Variants in FHL1 observed in about 807,000 individuals in gnomAD.
FHL1 encodes the protein four and a half LIM domains protein 1.
Under a neutral mutation model 20.3 loss-of-function variants are expected in FHL1, and 1 was observed. The observed-to-expected ratio is 0.05, with a 90% CI of 0.02 to 0.23. The LOEUF (loss-of-function observed/expected upper bound fraction) is 0.23, where lower values mean the gene tolerates loss of function less well. Among genes scored for constraint, FHL1 ranks in the 10% least tolerant of loss-of-function variants. The pLI is 1.00. For missense variants in FHL1, 177 were observed against 234.0 expected, an observed-to-expected ratio of 0.76 and a Z score of 1.59; for synonymous variants, 82 against 88.9, an observed-to-expected ratio of 0.92 and a Z score of 0.44.
intron 4 of FHL1, 128 bp from the exon 5 acceptor site, chrX:136,208,327 C>G: frequency 1.4e-6 from 1 of 723,470 alleles, no homozygotes; most frequent in Admixed American, 2.2e-5. Flanking sequence ...GCCCCTGCCT[C>G]CCATGGCTGT....
chrX:136,160,442 T>G (rs112287725), intron 1 of FHL1, among the ~76,000 whole-genome samples: 135 of 111,894 alleles, frequency 1.2e-3, no homozygotes, highest in African/African-American at 2.9e-3. Context: ...TTGTTTGTTT[T>G]TTTTGAAACT....
rs1271208862 is a variant in FHL1 at position 136,210,683 on chromosome X, T to C, written c.*658T>C. The C allele has an allele frequency of 2.6e-5, 10 of 388,707 alleles. No individual in the cohort carries two copies. Among genetic ancestry groups the C allele is most frequent in the African/African-American group, 2.2e-4 (9 of 40,811 alleles). 32.0% of individuals were successfully genotyped at this position (388,707 alleles called of 1,213,427 possible). ...TTCTGAGCGTTCCTACTTTAAAGCA[T>C]GGAACATGCAGGTGATTTGGGAAGT... is the stretch of plus-strand genomic sequence containing the variant. On this transcript the variant is annotated 3_prime_UTR_variant, in exon 6 of 6. Coordinates refer to ENST00000370683, the MANE Select transcript of FHL1 (RefSeq NM_001159699.2).
At chrX:136,171,897 T>TA (rs1389323874) in intron 2 of FHL1, among the ~76,000 whole-genome samples, 2 of 110,441 alleles carry the variant, frequency 1.8e-5, no homozygotes, top group South Asian at 3.9e-4. Context: ...TATTTTTTTT[T>TA]ATGGAGTCTT....
chrX:136,206,919 C>T (rs1026233477), intron 2 of FHL1, 97 bp from the exon 3 acceptor site: 19 of 947,088 alleles, frequency 2.0e-5, no homozygotes, highest in Admixed American at 1.1e-4. Context: ...TGTGTCATCT[C>T]AGTGGTCAGT....
chrX:136,209,200 G>C lies in FHL1; in HGVS notation c.736+559G>C, dbSNP rs763783551. Reference sequence around the variant, plus strand: ...CCTCCAATTTTCCCATCTTCCCGGGGAGCCTTGAAATGTACATTTGAGAAG... The same window carrying C: ...CCTCCAATTTTCCCATCTTCCCGGGCAGCCTTGAAATGTACATTTGAGAAG... On this transcript the variant is annotated intron_variant, in intron 5 of 5. Coordinates refer to ENST00000370683, the MANE Select transcript of FHL1 (RefSeq NM_001159699.2). The C allele has an allele frequency of 5.2e-6, 6 of 1,159,783 alleles. No homozygotes were observed. In the South Asian group the frequency reaches 1.2e-4, roughly 22 times the overall value.
upstream of FHL1, chrX:136,169,278 T>C (rs1343417796): frequency 5.0e-5 from 6 of 118,956 alleles, no homozygotes; most frequent in African/African-American, 9.9e-5. Flanking sequence ...TGTGTCAGGG[T>C]TGGGAACGGC....
At chrX:136,184,066 A>G (rs2073228456) in intron 2 of FHL1, among the ~76,000 whole-genome samples, 3 of 111,616 alleles carry the variant, frequency 2.7e-5, no homozygotes, top group South Asian at 3.7e-4. Flanking sequence ...GAAAGTTACA[A>G]CTCTGGAGGG....
At chrX:136,185,239 T>C (rs1429704852) in intron 2 of FHL1, among the ~76,000 whole-genome samples, 1 of 112,555 alleles carries the variant, frequency 8.9e-6, no homozygotes, top group African/African-American at 3.2e-5. Flanking sequence ...GTACATTTCC[T>C]GTTCCAGTAT....
chrX:136,175,818 G>GT (rs1316678025), intron 2 of FHL1, among the ~76,000 whole-genome samples: 4 of 112,606 alleles, frequency 3.6e-5, no homozygotes, highest in African/African-American at 1.3e-4. Flanking sequence ...AGGAAAAAAT[G>GT]TAAGTATCAC....
chrX:136,181,423 T>A (rs1452672692), intron 2 of FHL1, among the ~76,000 whole-genome samples: 1 of 112,195 alleles, frequency 8.9e-6, no homozygotes, highest in Non-Finnish European at 1.9e-5. Flanking sequence ...GTGAATGGAT[T>A]AGGGAACCTT....
chrX:136,158,378 T>C (rs1210265233), intron 1 of FHL1, among the ~76,000 whole-genome samples: 1 of 112,007 alleles, frequency 8.9e-6, no homozygotes, highest in African/African-American at 3.2e-5. Context: ...TGTCAAAAAA[T>C]ATCTCGCTGG....
rs752703160 is a variant in FHL1 at position 136,203,151 on chromosome X, TTAAGTA to T, written c.23-3254_23-3249del. Among the ~76,000 whole-genome samples the T allele has an allele frequency of 5.4e-3, 607 of 112,359 alleles. 6 individuals carry two copies. Among genetic ancestry groups the T allele is most frequent in the Non-Finnish European group, 8.7e-3 (464 of 53,341 alleles). The stretch of plus-strand genomic sequence containing the variant: ...TTGACATAGACATTGTTAACATACT[TTAAGTA>T]TTTCTAGCCTGTTTACTTATTATGC... On this transcript the variant is annotated intron_variant, in intron 1 of 5. Coordinates refer to ENST00000370683, the MANE Select transcript of FHL1 (RefSeq NM_001159699.2).
intron 2 of FHL1, among the ~76,000 whole-genome samples, chrX:136,178,049 A>T (rs779416950): frequency 2.7e-5 from 3 of 112,107 alleles, no homozygotes; most frequent in Non-Finnish European, 3.8e-5. Context: ...TGATCAGTAC[A>T]GTAAGCATAG....
At chrX:136,208,058 C>G (rs144278576) in intron 4 of FHL1, 97 bp downstream of exon 4, 3 of 994,844 alleles carry the variant, frequency 3.0e-6, no homozygotes, top group East Asian at 3.1e-5. Flanking sequence ...TCCATCCTCA[C>G]GACAGCCCTG....
upstream of FHL1, among the ~76,000 whole-genome samples, chrX:136,195,043 G>A (rs1009208120): frequency 4.5e-5 from 5 of 112,150 alleles, no homozygotes; most frequent in African/African-American, 1.6e-4. Context: ...CTAATTCATG[G>A]TGGTCAAAAA....
upstream of FHL1, chrX:136,196,720 T>G: frequency 1.2e-6 from 1 of 805,528 alleles, no homozygotes; most frequent in South Asian, 2.7e-5. Context: ...TGCAAGCTCT[T>G]GAGGCATATA....
intron 1 of FHL1, chrX:136,148,178 G>C (rs1483626009): frequency 9.7e-6 from 1 of 102,847 alleles, no homozygotes; most frequent in East Asian, 3.1e-4. Context: ...TCCCATCAAG[G>C]ATGGCGGGGA....
At chrX:136,178,531 G>C (rs1307226425) in intron 2 of FHL1, among the ~76,000 whole-genome samples, 1 of 110,955 alleles carries the variant, frequency 9.0e-6, no homozygotes, top group African/African-American at 3.3e-5. Flanking sequence ...AGGAGGCAGA[G>C]GGTGCAGGGT....
At chrX:136,207,991 C>T (rs747493105) in intron 4 of FHL1, 30 bp downstream of exon 4, 19 of 1,205,591 alleles carry the variant, frequency 1.6e-5, no homozygotes, top group South Asian at 8.8e-5. Context: ...CTGCATTGAC[C>T]GTTGTTTCTA....
Sources: allele counts gnomAD v4.1 joint callset (sites outside exome capture counted in the v4.1 genomes callset), GRCh38; gene constraint gnomAD v4.1.1; transcripts MANE v1.5; gene names NCBI Gene and HGNC (gene_info 2026-07-23, HGNC 2026-07-21).